DEF6: variants seen among roughly 807,000 people sequenced by gnomAD.
DEF6 encodes the protein DEF6 guanine nucleotide exchange factor, also known as differentially expressed in FDCP 6 homolog.
In DEF6, 32 loss-of-function variants were observed where a neutral mutation model predicts 80.5. That is an observed-to-expected ratio of 0.40 (90% confidence interval 0.30 to 0.53). The LOEUF is 0.53. DEF6 is among the 20% of genes least tolerant of loss of function. The probability of loss-of-function intolerance (pLI) is 0.57; values close to 1 mark genes in which losing one functional copy is unlikely to be tolerated. For missense variants in DEF6, 575 were observed against 818.7 expected, an observed-to-expected ratio of 0.70 and a Z score of 3.63; for synonymous variants, 300 against 337.9, an observed-to-expected ratio of 0.89 and a Z score of 1.23.
At position 35,310,476 on chromosome 6, in the gene DEF6, T is replaced by C. The variant is rs757143186; in HGVS notation, c.255T>C (p.Phe85=). The C allele has an allele frequency of 6.2e-7, 1 of 1,613,948 alleles. No individual in the cohort carries two copies. The highest frequency in any genetic ancestry group is 8.5e-7 in the Non-Finnish European group (1 of 1,180,012). ...YILDKVEEGA[F]VKEHFDELCW... is the part of the protein sequence containing the mutation. Reference sequence around the variant, plus strand: ...GGTGGCAGGTGGAGGAGGGGGCTTTTGTTAAAGAGCACTTTGATGAGCTGT... The same window carrying C: ...GGTGGCAGGTGGAGGAGGGGGCTTTCGTTAAAGAGCACTTTGATGAGCTGT... The change falls in exon 3 of 11, where the codon TTT becomes TTC. Residue 85 remains phenylalanine (F), a synonymous_variant. Coordinates refer to ENST00000316637, the MANE Select transcript of DEF6 (RefSeq NM_022047.4).
rs1791420281 is a variant in DEF6, at chr6:35,308,420, C to T, written c.97-1250C>T. 4.0e-5 allele frequency among the ~76,000 whole-genome samples: 6 copies of T among 151,696 alleles called. No homozygotes were observed. In the South Asian group the frequency reaches 1.3e-3, roughly 32 times the overall value. ...GGGCATGGTGCCTCAGGCCTGTAAT[C>T]CCAGCACTTTGGGAGGCCGAGGTGG... On this transcript the variant is annotated intron_variant, in intron 1 of 10. Transcript: ENST00000316637.
At chr6:35,302,025 C>T (rs932216515) in intron 1 of DEF6, among the ~76,000 whole-genome samples, 1 of 151,670 alleles carries the variant, frequency 6.6e-6, no homozygotes, top group African/African-American at 2.4e-5. Flanking sequence ...CTGCACCTGG[C>T]TGGATCTGTG....
At chr6:35,303,064 AC>A (rs1382865317) in intron 1 of DEF6, among the ~76,000 whole-genome samples, 2 of 151,568 alleles carry the variant, frequency 1.3e-5, no homozygotes, top group Admixed American at 6.6e-5. Flanking sequence ...TCCACCCCCA[AC>A]CCCTACCGCA....
chr6:35,312,849 G>A lies in DEF6; in HGVS notation c.807+77G>A. 1 of 1,493,438 alleles carries A rather than the reference G, an allele frequency of 6.7e-7. No individual in the cohort carries two copies. The highest frequency in any genetic ancestry group is 1.2e-5 in the South Asian group (1 of 81,416). 92.5% of individuals were successfully genotyped at this position (1,493,438 alleles called of 1,614,324 possible). A position where few individuals can be genotyped will look rare whatever the true frequency, so the allele number is the denominator to read the frequency against. On this transcript the variant is annotated intron_variant, in intron 5 of 10. Transcript: ENST00000316637. This position sits in a 1 kb window ranked among gnomAD's most constrained non-coding sequence, Gnocchi z 6.6. The stretch of plus-strand genomic sequence containing the variant: ...GGGGCATGAGAAGACAAGGGGGTCA[G>A]GAGAGGGGCAAATGGAGAAAAGCCA...
chr6:35,312,763 C>T lies in DEF6; in HGVS notation c.798C>T (p.Cys266=). The part of the protein sequence containing the change: ...KRGIIPLDAH[C]CVEVLPDRDG... ...GCATTATCCCGCTGGATGCACACTG[C>T]TGCGTGGAGGTGAGGGGCAGGATGG... The change falls in exon 5 of 11, where the codon TGC becomes TGT. Residue 266 remains cysteine, a synonymous_variant. Coordinates refer to ENST00000316637, the MANE Select transcript of DEF6 (RefSeq NM_022047.4). The surrounding 1 kb of genome is among the most constrained non-coding windows in gnomAD (Gnocchi z 6.6). The T allele has an allele frequency of 6.2e-7, 1 of 1,608,558 alleles. No individual in the cohort carries two copies. Among genetic ancestry groups the T allele is most frequent in the South Asian group, 1.1e-5 (1 of 90,496 alleles).
At chr6:35,317,756 G>A in intron 5 of DEF6, 135 bp from the exon 6 acceptor site, 2 of 646,590 alleles carry the variant, frequency 3.1e-6, no homozygotes, top group Admixed American at 3.0e-5. Context: ...TGCAAGCCAT[G>A]CAGGCTCCTG....
intron 1 of DEF6, among the ~76,000 whole-genome samples, chr6:35,305,697 C>T (rs1490996168): frequency 1.3e-5 from 2 of 151,864 alleles, no homozygotes; most frequent in Non-Finnish European, 2.9e-5. Flanking sequence ...CCTCAGCCTC[C>T]CTGTAACTGG....
intron 1 of DEF6, among the ~76,000 whole-genome samples, chr6:35,302,167 GC>G (rs1791323182): frequency 6.6e-6 from 1 of 152,034 alleles, no homozygotes; most frequent in South Asian, 2.1e-4. Flanking sequence ...TTTGAGACCA[GC>G]CCTGGCAGCA....
chr6:35,303,610 A>G (rs115848794), intron 1 of DEF6, among the ~76,000 whole-genome samples: 23 of 152,358 alleles, frequency 1.5e-4, no homozygotes, highest in Admixed American at 8.5e-4. Context: ...TGAAATGTAC[A>G]ATATGATGAA....
chr6:35,320,058 A>G (rs1582235331), intron 9 of DEF6, 41 bp downstream of exon 9: 1 of 1,539,838 alleles, frequency 6.5e-7, no homozygotes, highest in Non-Finnish European at 8.8e-7. Context: ...TGGCAGGGTG[A>G]GCTCATTAGG....
intron 2 of DEF6, 137 bp downstream of exon 2, chr6:35,309,947 G>A (rs1226545450): frequency 3.1e-6 from 3 of 972,934 alleles, no homozygotes; most frequent in African/African-American, 1.6e-5. Flanking sequence ...CGTGACTGCT[G>A]TCCCATCACG....
At chr6:35,310,680 T>G in intron 3 of DEF6, 36 bp downstream of exon 3, 1 of 1,612,250 alleles carries the variant, frequency 6.2e-7, no homozygotes, top group Non-Finnish European at 8.5e-7. Context: ...CTGAATCACT[T>G]GGGACCAGAC....
chr6:35,318,277 G>A lies in DEF6; in HGVS notation c.1021G>A (p.Ala341Thr). ...GCGGGAGCAGCGGGAGCGGCGCCGG[G>A]CGGCCAAGGAAGAGGAGCTGCTGCG... ...EQREQRERRRAAKEEELLRLQ... is the reference protein window; with the variant it reads ...EQREQRERRRTAKEEELLRLQ... Residue 341 changes from alanine to threonine, a missense_variant, in exon 7 of 11, where the codon GCG becomes ACG. Coordinates refer to ENST00000316637, the MANE Select transcript of DEF6 (RefSeq NM_022047.4). The surrounding 1 kb of genome is among the most constrained non-coding windows in gnomAD (Gnocchi z 5.1). The A allele has an allele frequency of 6.4e-7, 1 of 1,568,156 alleles. No individual in the cohort carries two copies. Among genetic ancestry groups the A allele is most frequent in the Non-Finnish European group, 8.6e-7 (1 of 1,158,092 alleles).
intron 5 of DEF6, among the ~76,000 whole-genome samples, chr6:35,314,034 A>G (rs994329866): frequency 1.3e-5 from 2 of 152,204 alleles, no homozygotes; most frequent in African/African-American, 4.8e-5. Context: ...TTTCCATAGT[A>G]GCTGTACTAA....
At chr6:35,313,392 C>A in intron 5 of DEF6, 1 of 386,098 alleles carries the variant, frequency 2.6e-6, no homozygotes, top group Non-Finnish European at 5.0e-6. Context: ...TAATTTAATA[C>A]ATTCATATAT....
At chr6:35,298,866 AGGCTCTGTGCCT>A (rs1791276624) in intron 1 of DEF6, among the ~76,000 whole-genome samples, 1 of 152,206 alleles carries the variant, frequency 6.6e-6, no homozygotes, top group Admixed American at 6.5e-5. Flanking sequence ...GCCCCTCGTG[AGGCTCTGTGCCT>A]GGCATGTGGC....
chr6:35,309,573 G>C, intron 1 of DEF6, 97 bp from the exon 2 acceptor site: 1 of 1,439,808 alleles, frequency 6.9e-7, no homozygotes, highest in East Asian at 2.3e-5. Context: ...AACTCAGCCA[G>C]GATGGGGTGA....
chr6:35,300,309 G>A (rs948622037), intron 1 of DEF6, among the ~76,000 whole-genome samples: 2 of 152,140 alleles, frequency 1.3e-5, no homozygotes, highest in African/African-American at 2.4e-5. Context: ...TTATAGTCTT[G>A]AGCCACCTCA....
chr6:35,303,391 G>A (rs747195561), intron 1 of DEF6, among the ~76,000 whole-genome samples: 1 of 152,140 alleles, frequency 6.6e-6, no homozygotes, highest in Non-Finnish European at 1.5e-5. Flanking sequence ...GCCCAGTAAG[G>A]TTAATATGCT....
Sources: gnomAD v4.1 joint callset for allele counts (sites outside exome capture counted in the v4.1 genomes callset) on GRCh38, gnomAD v4.1.1 for gene constraint, Gnocchi (gnomAD v3.1) non-coding constraint, MANE v1.5 for transcripts, NCBI Gene and HGNC (gene_info 2026-07-23, HGNC 2026-07-21) for gene names.